Variants in SLC39A11 observed in about 807,000 individuals in gnomAD.
SLC39A11 encodes solute carrier family 39 member 11, also known as zinc transporter ZIP11.
Under a neutral mutation model 36.1 loss-of-function variants are expected in SLC39A11, and 33 were observed. That is an observed-to-expected ratio of 0.91 (90% CI 0.69 to 1.22). The LOEUF is 1.22. Ranked by LOEUF, SLC39A11 falls within the 50% of genes most tolerant of loss-of-function variation. SLC39A11 has a pLI of 0.00. For synonymous variants in SLC39A11, 166 were observed against 170.3 expected (o/e 0.97, Z 0.20); for missense variants, 432 against 430.3 (o/e 1.00, Z -0.03).
intron 5 of SLC39A11, among the ~76,000 whole-genome samples, chr17:72,915,943 C>T (rs781401433): frequency 4.6e-5 from 7 of 152,192 alleles, no homozygotes; most frequent in African/African-American, 1.7e-4. Context: ...AAGTCTGGTG[C>T]CATCTACTGA....
Position 72,771,078 on chromosome 17 carries a change from G to A in SLC39A11, c.602-34359C>T, listed in dbSNP as rs116018521. On this transcript the variant is annotated intron_variant, in intron 6 of 9. Transcript: ENST00000255559. ...TATACTTTTTTTTTTTTTTATGTGC[G>A]TGTTGCTTATTTAAAAAAAATCCTG... 6.4e-3 allele frequency among the ~76,000 whole-genome samples: 952 copies of A among 148,442 alleles called. 10 individuals are homozygous for A. The highest frequency in any genetic ancestry group is 0.022 in the African/African-American group (891 of 40,130).
intron 4 of SLC39A11, among the ~76,000 whole-genome samples, chr17:73,005,571 T>C (rs1029099309): frequency 2.6e-5 from 4 of 152,190 alleles, no homozygotes; most frequent in Non-Finnish European, 5.9e-5. Context: ...TCCTGTTCTA[T>C]ATGCAGAGGC....
intron 7 of SLC39A11, among the ~76,000 whole-genome samples, chr17:72,656,759 G>A (rs542916670): frequency 1.5e-3 from 235 of 152,264 alleles, no homozygotes; most frequent in African/African-American, 5.4e-3. Context: ...CCAGAGAACC[G>A]CGAGGAAGGG....
chr17:72,698,748 C>T (rs7223437), intron 7 of SLC39A11, among the ~76,000 whole-genome samples: 4 of 152,166 alleles, frequency 2.6e-5, no homozygotes, highest in Admixed American at 6.5e-5. Flanking sequence ...ATTATCCCCA[C>T]GGTACAAACA....
At chr17:73,050,638 A>AT (rs1266100353) in intron 3 of SLC39A11, among the ~76,000 whole-genome samples, 5 of 151,760 alleles carry the variant, frequency 3.3e-5, no homozygotes, top group Admixed American at 6.6e-5. Flanking sequence ...GAATTTTTAT[A>AT]TTTTTTACTA....
chr17:72,841,722 A>T (rs2078819539), intron 6 of SLC39A11, among the ~76,000 whole-genome samples: 2 of 152,164 alleles, frequency 1.3e-5, no homozygotes, highest in African/African-American at 4.8e-5. Context: ...AACACAGAGG[A>T]TAAATGCTTA....
At chr17:72,825,382 A>G (rs941121630) in intron 6 of SLC39A11, among the ~76,000 whole-genome samples, 1 of 152,226 alleles carries the variant, frequency 6.6e-6, no homozygotes, top group Admixed American at 6.5e-5. Context: ...ATTTCAGAGG[A>G]TGTATGGAAA....
intron 3 of SLC39A11, among the ~76,000 whole-genome samples, chr17:73,047,963 T>A (rs111313549): frequency 0.2 from 7,785 of 39,564 alleles, 441 homozygotes; most frequent in Non-Finnish European, 0.23. Context: ...CAAGACTCCA[T>A]CTCAAAAAAA....
chr17:72,878,088 C>A (rs549989101), intron 5 of SLC39A11, among the ~76,000 whole-genome samples: 1 of 150,996 alleles, frequency 6.6e-6, no homozygotes, highest in East Asian at 2.0e-4. Flanking sequence ...TTTGTCCTTG[C>A]GATAGTTTGC....
chr17:72,903,595 G>A (rs889185182), intron 5 of SLC39A11, among the ~76,000 whole-genome samples: 14 of 152,308 alleles, frequency 9.2e-5, no homozygotes, highest in African/African-American at 1.4e-4. Context: ...CCAAGCCCCC[G>A]GGTAATGAGC....
At chr17:72,691,271 C>T (rs1005555165) in intron 7 of SLC39A11, among the ~76,000 whole-genome samples, 1 of 152,168 alleles carries the variant, frequency 6.6e-6, no homozygotes, top group African/African-American at 2.4e-5. Flanking sequence ...TCAGGCATTT[C>T]CTAGAGGTGA....
chr17:72,658,726 C>A (rs1404079761), intron 7 of SLC39A11, among the ~76,000 whole-genome samples: 2 of 152,180 alleles, frequency 1.3e-5, no homozygotes, highest in East Asian at 3.8e-4. Context: ...ACCCCAGGTG[C>A]ACAGGTGGGA....
chr17:73,052,727 G>T (rs1270153874), intron 3 of SLC39A11, among the ~76,000 whole-genome samples: 1 of 152,090 alleles, frequency 6.6e-6, no homozygotes, highest in Non-Finnish European at 1.5e-5. Context: ...GAGAATTAGT[G>T]GTTTTATTCC....
intron 5 of SLC39A11, among the ~76,000 whole-genome samples, chr17:72,875,016 C>A (rs1269662251): frequency 1.3e-5 from 2 of 152,124 alleles, no homozygotes; most frequent in African/African-American, 4.8e-5. Flanking sequence ...ACCAAAAACA[C>A]TCAGATGGGC....
chr17:72,666,576 C>T (rs2070765414), intron 7 of SLC39A11, among the ~76,000 whole-genome samples: 1 of 152,214 alleles, frequency 6.6e-6, no homozygotes, highest in Admixed American at 6.5e-5. Flanking sequence ...GGGCTTTCTC[C>T]CCCACTGCCC....
intron 7 of SLC39A11, among the ~76,000 whole-genome samples, chr17:72,697,769 G>C (rs1189469250): frequency 7.0e-6 from 1 of 142,658 alleles, no homozygotes; most frequent in Non-Finnish European, 1.5e-5. Flanking sequence ...CATGATCCTA[G>C]GGGCTCCATA....
chr17:73,029,040 C>T (rs1462941957), intron 4 of SLC39A11, among the ~76,000 whole-genome samples: 1 of 151,330 alleles, frequency 6.6e-6, no homozygotes, highest in African/African-American at 2.4e-5. Flanking sequence ...ATCACTTGAA[C>T]CCAGGAGGTG....
intron 6 of SLC39A11, among the ~76,000 whole-genome samples, chr17:72,775,133 T>C (rs1192208152): frequency 1.3e-5 from 2 of 152,148 alleles, no homozygotes; most frequent in East Asian, 3.9e-4. Flanking sequence ...AGCAGCCCCA[T>C]TTCTGGCCCC....
intron 5 of SLC39A11, among the ~76,000 whole-genome samples, chr17:72,858,699 T>A (rs987038116): frequency 3.3e-5 from 5 of 152,230 alleles, no homozygotes; most frequent in African/African-American, 1.2e-4. Context: ...TTCACCTCCC[T>A]GGTTAGCTGT....
Sources: gnomAD v4.1 joint callset for allele counts (sites outside exome capture counted in the v4.1 genomes callset) on GRCh38, gnomAD v4.1.1 for gene constraint, MANE v1.5 for transcripts, NCBI Gene and HGNC (gene_info 2026-07-23, HGNC 2026-07-21) for gene names.